The following URI1 variants were observed in gnomAD, a reference collection of about 807,000 sequenced individuals.
URI1 encodes the protein URI1 prefoldin like chaperone.
In URI1, 39 loss-of-function variants were observed where a neutral mutation model predicts 60.2. That is an observed-to-expected ratio of 0.65 (90% CI 0.50 to 0.85). The LOEUF is 0.85. Ranked by LOEUF, URI1 falls within the 40% of genes least tolerant of loss-of-function variation. The pLI, the probability that URI1 is intolerant of heterozygous loss-of-function variation, is 0.00. For synonymous variants in URI1, 251 were observed against 236.8 expected (o/e 1.06, Z -0.55); for missense variants, 691 against 665.9 (o/e 1.04, Z -0.42).
intron 4 of URI1, among the ~76,000 whole-genome samples, chr19:30,001,879 A>G (rs1326569624): frequency 6.6e-6 from 1 of 152,032 alleles, no homozygotes; most frequent in East Asian, 1.9e-4. Context: ...TATAGGGGAA[A>G]GGCAAATACT....
intron 1 of URI1, among the ~76,000 whole-genome samples, chr19:29,934,527 C>T (rs1438197815): frequency 3.3e-5 from 5 of 152,194 alleles, no homozygotes; most frequent in African/African-American, 1.2e-4. Context: ...ACACATGCTA[C>T]TGTTCAGATC....
At chr19:29,924,190 G>A (rs1293311878) in intron 1 of URI1, among the ~76,000 whole-genome samples, 2 of 152,022 alleles carry the variant, frequency 1.3e-5, no homozygotes, top group Non-Finnish European at 2.9e-5. Context: ...CTACTGATTC[G>A]AGTACCAATC....
intron 4 of URI1, among the ~76,000 whole-genome samples, chr19:29,994,869 C>A (rs2055791990): frequency 6.6e-6 from 1 of 151,724 alleles, no homozygotes. Context: ...GCAGCCTCCG[C>A]CTCCCAGGTT....
intron 2 of URI1, among the ~76,000 whole-genome samples, chr19:29,981,670 G>A (rs921689746): frequency 2.0e-5 from 3 of 152,032 alleles, no homozygotes; most frequent in Admixed American, 6.6e-5. Flanking sequence ...AGTTGAAGGC[G>A]GAACCTGATC....
intron 1 of URI1, among the ~76,000 whole-genome samples, chr19:29,961,019 TA>T (rs905738684): frequency 1.5e-4 from 23 of 149,584 alleles, no homozygotes; most frequent in African/African-American, 4.7e-4. Flanking sequence ...CCTAGCTAAT[TA>T]AAAAAAAAAA....
intron 2 of URI1, chr19:29,980,500 CTTATATA>C (rs2055579219): frequency 2.0e-5 from 3 of 148,626 alleles, no homozygotes; most frequent in Non-Finnish European, 3.0e-5. Context: ...GATGTTAACA[CTTATATA>C]GAAATTTTTT....
intron 1 of URI1, among the ~76,000 whole-genome samples, chr19:29,928,443 C>G (rs943329631): frequency 1.3e-5 from 2 of 152,156 alleles, no homozygotes; most frequent in African/African-American, 4.8e-5. Flanking sequence ...ACGCCCCTTT[C>G]CTTTCCACCA....
chr19:30,006,972 C>G (rs1334924339), intron 6 of URI1, among the ~76,000 whole-genome samples: 2 of 152,028 alleles, frequency 1.3e-5, no homozygotes, highest in Non-Finnish European at 2.9e-5. Flanking sequence ...TTGTAGGGTA[C>G]TCATTCCTTG....
chr19:29,983,291 TC>T (rs1431951018), intron 2 of URI1: 1 of 152,220 alleles, frequency 6.6e-6, no homozygotes, highest in East Asian at 1.9e-4. Flanking sequence ...ATGTGGTTTT[TC>T]CATCTTCCTT....
chr19:29,935,700 C>CTTTTTTTTTTTTTTTTTTTTTTT lies in URI1; in HGVS notation c.63+11960_63+11961insTTTTTTTTTTTTTTTTTTTTTTT, dbSNP rs34820413. Among the ~76,000 whole-genome samples the CTTTTTTTTTTTTTTTTTTTTTTT allele has an allele frequency of 1.8e-3, 238 of 131,646 alleles. 4 individuals are homozygous for CTTTTTTTTTTTTTTTTTTTTTTT. Among genetic ancestry groups the CTTTTTTTTTTTTTTTTTTTTTTT allele is most frequent in the Middle Eastern group, 8.3e-3 (2 of 240 alleles). 86.4% of individuals were successfully genotyped at this position (131,646 alleles called of 152,430 possible). A position where few individuals can be genotyped will look rare whatever the true frequency, so the allele number is the denominator to read the frequency against. Reference sequence around the variant, plus strand: ...TGGTAGGAAATTCTTGGTTGACAGTCTTTTTTTTTTTTTTCCCCAGGACTT... The same window carrying CTTTTTTTTTTTTTTTTTTTTTTT: ...TGGTAGGAAATTCTTGGTTGACAGTCTTTTTTTTTTTTTTTTTTTTTTTTTTTTTTTTTTTTTCCCCAGGACTT... On this transcript the variant is annotated intron_variant, in intron 1 of 10. Transcript: ENST00000360605.
Position 30,009,180 on chromosome 19 carries a change from T to C in URI1, c.862T>C (p.Cys288Arg). The change falls in exon 8 of 11, where the codon TGT becomes CGT. Residue 288 changes from cysteine (C) to arginine (R), a missense_variant. Cys to Arg is a radical substitution (Grantham distance 180). Coordinates refer to ENST00000392271, the MANE Select transcript of URI1 (RefSeq NM_003796.3). ...TGGTCAAGTGAATAGTCAGTTGAACTGTTCAGTGAATGGTTCCAGTTCTTA... is the reference window on the plus strand; with the variant it reads ...TGGTCAAGTGAATAGTCAGTTGAACCGTTCAGTGAATGGTTCCAGTTCTTA... The part of the protein sequence containing the change: ...FSGQVNSQLN[C>R]SVNGSSSYHS... 6.2e-7 allele frequency: 1 copy of C among 1,613,870 alleles called. No homozygotes were observed. The highest frequency in any genetic ancestry group is 8.5e-7 in the Non-Finnish European group (1 of 1,179,954).
intron 1 of URI1, chr19:29,957,049 G>T: frequency 1.8e-6 from 1 of 564,732 alleles, no homozygotes; most frequent in Non-Finnish European, 3.1e-6. Context: ...AATGCAAATT[G>T]GATGATGTCA....
chr19:29,939,050 T>TC (rs1471259733), upstream of URI1, among the ~76,000 whole-genome samples: 1 of 150,328 alleles, frequency 6.7e-6, no homozygotes, highest in East Asian at 2.0e-4. Context: ...TGATCTCGGC[T>TC]CACTGCAACC....
rs144557990 is a variant in URI1, at chr19:30,009,110, T to C, written c.792T>C (p.Ser264=). The change falls in exon 8 of 11, where the codon TCT becomes TCC. Residue 264 remains serine (S), a synonymous_variant. Coordinates refer to ENST00000392271, the MANE Select transcript of URI1 (RefSeq NM_003796.3). Reference sequence around the variant, plus strand: ...ATGCGATGCATCAAGTAACAGACTCTCATACTCCTTGTCATAAGGATGTTG... The same window carrying C: ...ATGCGATGCATCAAGTAACAGACTCCCATACTCCTTGTCATAAGGATGTTG... The part of the protein sequence containing the change: ...NVNAMHQVTD[S]HTPCHKDVAS... 8.7e-6 allele frequency: 14 copies of C among 1,614,036 alleles called. No individual in the cohort carries two copies. In the Middle Eastern group the frequency reaches 4.9e-4, roughly 57 times the overall value.
In URI1 at chr19:30,009,023, T is replaced by G; in HGVS notation, c.705T>G (p.Ile235Met). ...TTGCTAGTAAGCCTGATACTGTGAT[T>G]GCAAATGGAGAAGATACGACATCTT... Reference protein sequence around the residue: ...GELDSKPDTVIANGEDTTSSE... With the variant: ...GELDSKPDTVMANGEDTTSSE... The change falls in exon 8 of 11, where the codon ATT becomes ATG. Residue 235 changes from isoleucine (I) to methionine (M), a missense_variant. Ile to Met is a conservative substitution (Grantham distance 10). Coordinates refer to ENST00000392271, the MANE Select transcript of URI1 (RefSeq NM_003796.3). The G allele has an allele frequency of 6.2e-7, 1 of 1,610,454 alleles. No homozygotes were observed. The highest frequency in any genetic ancestry group is 8.5e-7 in the Non-Finnish European group (1 of 1,177,470).
intron 1 of URI1, among the ~76,000 whole-genome samples, chr19:29,926,801 G>T (rs542200864): frequency 6.6e-6 from 1 of 152,352 alleles, no homozygotes; most frequent in South Asian, 2.1e-4. Context: ...CTGGAGAGGG[G>T]TCTGGGTCAG....
upstream of URI1, among the ~76,000 whole-genome samples, chr19:29,938,250 G>A (rs1403145441): frequency 6.6e-6 from 1 of 152,126 alleles, no homozygotes; most frequent in African/African-American, 2.4e-5. Flanking sequence ...TCGGTTTCTG[G>A]TGAGGCCTCA....
At chr19:29,926,897 G>C (rs1318413489) in intron 1 of URI1, among the ~76,000 whole-genome samples, 1 of 152,170 alleles carries the variant, frequency 6.6e-6, no homozygotes, top group Non-Finnish European at 1.5e-5. Flanking sequence ...CAGGAGCTAG[G>C]CTCATGCATG....
chr19:29,963,528 A>G (rs1182368188), intron 1 of URI1, among the ~76,000 whole-genome samples: 1 of 152,014 alleles, frequency 6.6e-6, no homozygotes, highest in Non-Finnish European at 1.5e-5. Context: ...GAACATATTA[A>G]TCATTATGTT....
Sources: allele counts gnomAD v4.1 joint callset (sites outside exome capture counted in the v4.1 genomes callset), GRCh38; gene constraint gnomAD v4.1.1; transcripts MANE v1.5; gene names NCBI Gene and HGNC (gene_info 2026-07-23, HGNC 2026-07-21).